The following RANBP2 variants were observed in gnomAD, a reference collection of about 807,000 sequenced individuals.
The protein encoded by RANBP2 is E3 SUMO-protein ligase RanBP2.
RANBP2 carries 57 observed loss-of-function variants against 303.6 expected under a neutral mutation model. The observed-to-expected ratio is 0.19, with a 90% CI of 0.15 to 0.23. The LOEUF (loss-of-function observed/expected upper bound fraction) is 0.23, where lower values mean the gene tolerates loss of function less well. Among genes scored for constraint, RANBP2 ranks in the 10% least tolerant of loss-of-function variants. RANBP2 has a pLI of 1.00. For missense variants in RANBP2, 3,138 were observed against 3,780.8 expected, an observed-to-expected ratio of 0.83 and a Z score of 4.46; for synonymous variants, 1,167 against 1,301.5, an observed-to-expected ratio of 0.90 and a Z score of 2.23.
chr2:109,598,557 G>A, the RANBP2 span, among the ~76,000 whole-genome samples: 1 of 151,918 alleles, frequency 6.6e-6, no homozygotes, highest in Non-Finnish European at 1.5e-5. Flanking sequence ...AATTATCATC[G>A]GGAGGCCGGG....
At chr2:108,804,841 T>C in the RANBP2 span, 757 of 1,444,746 alleles carry the variant, frequency 5.2e-4, 9 homozygotes, top group South Asian at 8.5e-3. Context: ...ATTAGTGATA[T>C]ACAGTCCTTA....
the RANBP2 span, among the ~76,000 whole-genome samples, chr2:108,955,248 A>G: frequency 6.6e-6 from 1 of 152,190 alleles, no homozygotes; most frequent in Non-Finnish European, 1.5e-5. Flanking sequence ...GAATGTGAGG[A>G]TTAATGAGAT....
the RANBP2 span, among the ~76,000 whole-genome samples, chr2:109,047,940 C>T: frequency 6.6e-6 from 1 of 152,242 alleles, no homozygotes; most frequent in African/African-American, 2.4e-5. Context: ...TGCAAGCAAA[C>T]TAGGCTGGCC....
At chr2:108,778,632 A>T (rs746234270) in intron 25 of RANBP2, among the ~76,000 whole-genome samples, 1 of 152,334 alleles carries the variant, frequency 6.6e-6, no homozygotes, top group South Asian at 2.1e-4. Flanking sequence ...GTAGAGAACC[A>T]CTATTTTGAA....
the RANBP2 span, among the ~76,000 whole-genome samples, chr2:109,008,970 T>C: frequency 6.6e-6 from 1 of 151,956 alleles, no homozygotes; most frequent in Non-Finnish European, 1.5e-5. Flanking sequence ...TCTAATACTA[T>C]TTATATTTTA....
the RANBP2 span, among the ~76,000 whole-genome samples, chr2:109,120,404 G>A: frequency 1.3e-5 from 2 of 152,106 alleles, no homozygotes; most frequent in Admixed American, 1.3e-4. Context: ...CATTAGCCTC[G>A]CATACTCAGC....
chr2:109,305,746 A>C, the RANBP2 span, among the ~76,000 whole-genome samples: 2 of 152,214 alleles, frequency 1.3e-5, no homozygotes, highest in African/African-American at 4.8e-5. Context: ...CATTCCAGGC[A>C]GTGTTCTCTG....
At chr2:108,989,392 G>A in the RANBP2 span, 2 of 152,650 alleles carry the variant, frequency 1.3e-5, no homozygotes, top group Non-Finnish European at 2.9e-5. Context: ...CTGTTGGAAT[G>A]CGTAAAAATC....
chr2:109,511,615 T>C, the RANBP2 span, among the ~76,000 whole-genome samples: 4 of 152,064 alleles, frequency 2.6e-5, no homozygotes, highest in Non-Finnish European at 5.9e-5. Context: ...CAGGGAGGAA[T>C]AGGGAGGGGC....
At chr2:109,302,558 C>T in the RANBP2 span, among the ~76,000 whole-genome samples, 1 of 152,178 alleles carries the variant, frequency 6.6e-6, no homozygotes, top group African/African-American at 2.4e-5. Flanking sequence ...GGCCAGAGAC[C>T]CTGTGCTGTG....
the RANBP2 span, among the ~76,000 whole-genome samples, chr2:108,958,426 A>C: frequency 2.0e-5 from 3 of 152,106 alleles, no homozygotes; most frequent in Non-Finnish European, 2.9e-5. Flanking sequence ...AAAACAAAAA[A>C]CAAAAAACAA....
At chr2:109,731,773 C>A in the RANBP2 span, among the ~76,000 whole-genome samples, 1 of 152,274 alleles carries the variant, frequency 6.6e-6, no homozygotes, top group African/African-American at 2.4e-5. Flanking sequence ...CAGGCAGGAG[C>A]CACTGCGTCT....
chr2:109,554,259 T>C, the RANBP2 span, among the ~76,000 whole-genome samples: 5 of 152,204 alleles, frequency 3.3e-5, no homozygotes, highest in Non-Finnish European at 5.9e-5. Flanking sequence ...CCTACCACGA[T>C]GTAATTCAAA....
At chr2:108,808,483 T>C in the RANBP2 span, among the ~76,000 whole-genome samples, 1 of 152,170 alleles carries the variant, frequency 6.6e-6, no homozygotes, top group Non-Finnish European at 1.5e-5. Context: ...CCACCAACAA[T>C]GTAAAAGAGT....
chr2:109,195,716 G>A, the RANBP2 span, among the ~76,000 whole-genome samples: 1 of 151,866 alleles, frequency 6.6e-6, no homozygotes, highest in Non-Finnish European at 1.5e-5. Context: ...ATTTTTTTTG[G>A]TACTCATTTG....
the RANBP2 span, among the ~76,000 whole-genome samples, chr2:109,099,389 C>T: frequency 2.0e-5 from 3 of 152,118 alleles, no homozygotes; most frequent in Non-Finnish European, 4.4e-5. Flanking sequence ...TCGGTGGTCT[C>T]TTAGCAGAGG....
At chr2:109,262,951 G>C in the RANBP2 span, among the ~76,000 whole-genome samples, 3 of 152,044 alleles carry the variant, frequency 2.0e-5, no homozygotes, top group African/African-American at 7.2e-5. Flanking sequence ...TTCTGTCTCA[G>C]CCTCCCACGT....
intron 12 of RANBP2, among the ~76,000 whole-genome samples, chr2:108,752,470 C>T (rs902410277): frequency 4.0e-5 from 6 of 151,768 alleles, no homozygotes; most frequent in Non-Finnish European, 8.8e-5. Flanking sequence ...TCATTAGAAG[C>T]GTTTAAAAGT....
chr2:109,479,115 G>A, the RANBP2 span, among the ~76,000 whole-genome samples: 9 of 152,150 alleles, frequency 5.9e-5, no homozygotes, highest in Admixed American at 1.3e-4. Context: ...ACTTCTCAAC[G>A]TGGACAGCAT....
Sources: gnomAD v4.1 joint callset for allele counts (sites outside exome capture counted in the v4.1 genomes callset) on GRCh38, gnomAD v4.1.1 for gene constraint, MANE v1.5 for transcripts, NCBI Gene and HGNC (gene_info 2026-07-23, HGNC 2026-07-21) for gene names.